Variants in ZBBX observed in about 807,000 individuals in gnomAD.
ZBBX encodes zinc finger B-box domain-containing protein 1.
ZBBX carries 101 observed loss-of-function variants against 108.5 expected under a neutral mutation model. That is an observed-to-expected ratio of 0.93 (90% confidence interval 0.79 to 1.10). The LOEUF (loss-of-function observed/expected upper bound fraction) is 1.10. Ranked by LOEUF, ZBBX falls within the 50% of genes least tolerant of loss-of-function variation. The pLI is 0.00. For missense variants in ZBBX, 1,009 were observed against 941.4 expected, an observed-to-expected ratio of 1.07 and a Z score of -0.94; for synonymous variants, 356 against 323.4, an observed-to-expected ratio of 1.10 and a Z score of -1.08.
At chr3:167,297,873 G>C (rs908071423) in intron 18 of ZBBX, among the ~76,000 whole-genome samples, 1 of 151,444 alleles carries the variant, frequency 6.6e-6, no homozygotes, top group Non-Finnish European at 1.5e-5. Context: ...TTCTCCCCCC[G>C]ACCCCACCAA....
At chr3:167,361,366 A>G (rs1355068257) in intron 6 of ZBBX, among the ~76,000 whole-genome samples, 2 of 152,180 alleles carry the variant, frequency 1.3e-5, no homozygotes, top group Admixed American at 6.6e-5. Flanking sequence ...TTGCCAATTG[A>G]ACATGCTTGC....
chr3:167,352,721 CA>C (rs61596269), intron 8 of ZBBX, among the ~76,000 whole-genome samples: 4,812 of 129,942 alleles, frequency 0.037, 124 homozygotes, highest in African/African-American at 0.071. Flanking sequence ...CAAAAATTCT[CA>C]AAAAAAAAAA....
At chr3:167,217,777 T>C in the ZBBX span, among the ~76,000 whole-genome samples, 1 of 152,188 alleles carries the variant, frequency 6.6e-6, no homozygotes, top group Non-Finnish European at 1.5e-5. Flanking sequence ...GAATATTATG[T>C]AGCCATAAAA....
chr3:167,202,855 G>A, the ZBBX span, among the ~76,000 whole-genome samples: 1 of 152,026 alleles, frequency 6.6e-6, no homozygotes, highest in Non-Finnish European at 1.5e-5. Context: ...CAGACCAACT[G>A]AGGGACCCAT....
In ZBBX at chr3:167,312,823, C is replaced by A. The variant is rs1297876265; in HGVS notation, c.1417+1151G>T. 3.3e-5 allele frequency among the ~76,000 whole-genome samples: 5 copies of A among 152,254 alleles called. No individual in the cohort carries two copies. The East Asian group carries it at 7.7e-4, about 24-fold the overall frequency. ...TAGTATTTGAAAATGTCAAGACCAG[C>A]AGGATTTACACAAATCTACCACTGC... On this transcript the variant is annotated intron_variant, in intron 16 of 21. Coordinates refer to ENST00000675490, the MANE Select transcript of ZBBX (RefSeq NM_001199201.2).
intron 14 of ZBBX, 117 bp from the exon 15 acceptor site, chr3:167,315,946 G>A (rs1441483636): frequency 1.7e-6 from 1 of 580,622 alleles, no homozygotes; most frequent in Non-Finnish European, 3.0e-6. Context: ...TGTTATGAGA[G>A]CTCTAATTAT....
At chr3:167,383,305 T>C (rs1302574109), upstream of ZBBX, among the ~76,000 whole-genome samples, 2 of 152,064 alleles carry the variant, frequency 1.3e-5, no homozygotes, top group Non-Finnish European at 2.9e-5. Flanking sequence ...GTTTTACTTT[T>C]ACATGAAGCA....
the ZBBX span, among the ~76,000 whole-genome samples, chr3:167,225,837 G>A: frequency 6.6e-6 from 1 of 151,804 alleles, no homozygotes; most frequent in Non-Finnish European, 1.5e-5. Context: ...TCATGGAACA[G>A]TGCAGTTTTT....
Position 167,319,988 on chromosome 3 carries a change from G to A in ZBBX, c.983+2129C>T, listed in dbSNP as rs189232137. Among the ~76,000 whole-genome samples the A allele has an allele frequency of 3.0e-3, 458 of 151,746 alleles. 3 individuals are homozygous for A. The highest frequency in any genetic ancestry group is 3.4e-3 in the Non-Finnish European group (232 of 67,832). On this transcript the variant is annotated intron_variant, in intron 12 of 21. Coordinates refer to ENST00000675490, the MANE Select transcript of ZBBX (RefSeq NM_001199201.2). Reference sequence around the variant, plus strand: ...GATAGATACAGAAAAAAATTTATATGTGTGTATGTGGATTTGTGTGTGTGT... The same window carrying A: ...GATAGATACAGAAAAAAATTTATATATGTGTATGTGGATTTGTGTGTGTGT...
the ZBBX span, among the ~76,000 whole-genome samples, chr3:167,204,456 T>C: frequency 6.9e-6 from 1 of 145,606 alleles, no homozygotes; most frequent in African/African-American, 2.5e-5. Context: ...GTGATCTCAT[T>C]GTTCAATTCC....
At chr3:167,347,244 G>T (rs1741629788) in intron 9 of ZBBX, among the ~76,000 whole-genome samples, 1 of 151,868 alleles carries the variant, frequency 6.6e-6, no homozygotes, top group Non-Finnish European at 1.5e-5. Flanking sequence ...ATACAAACAT[G>T]TACATGATGT....
intron 20 of ZBBX, among the ~76,000 whole-genome samples, chr3:167,255,919 AC>A (rs990675379): frequency 6.6e-6 from 1 of 151,874 alleles, no homozygotes; most frequent in African/African-American, 2.4e-5. Flanking sequence ...TATTTTCAGT[AC>A]CCATTAACCA....
At chr3:167,252,559 T>A (rs1722795814) in intron 20 of ZBBX, among the ~76,000 whole-genome samples, 1 of 148,344 alleles carries the variant, frequency 6.7e-6, no homozygotes, top group African/African-American at 2.5e-5. Flanking sequence ...TCATGAACAG[T>A]GCACTCATAC....
intron 1 of ZBBX, among the ~76,000 whole-genome samples, chr3:167,398,092 G>T (rs1265602825): frequency 1.3e-5 from 2 of 151,818 alleles, no homozygotes; most frequent in African/African-American, 4.8e-5. Flanking sequence ...AAAAATGAAC[G>T]AGCTTCAATT....
intron 20 of ZBBX, among the ~76,000 whole-genome samples, chr3:167,278,220 G>A (rs1382178894): frequency 7.1e-5 from 10 of 141,142 alleles, no homozygotes; most frequent in South Asian, 2.4e-4. Flanking sequence ...ACATTCAAAA[G>A]CTAGCAGAAG....
chr3:167,272,828 A>C (rs1271504948), intron 20 of ZBBX, among the ~76,000 whole-genome samples: 2 of 152,162 alleles, frequency 1.3e-5, no homozygotes, highest in African/African-American at 4.8e-5. Context: ...AGCTGGAATG[A>C]TGTCCTGTGG....
intron 8 of ZBBX, among the ~76,000 whole-genome samples, chr3:167,358,078 T>A (rs1378150357): frequency 1.3e-5 from 2 of 151,698 alleles, no homozygotes; most frequent in African/African-American, 4.8e-5. Flanking sequence ...AATGACGAGT[T>A]AATGGGTGCA....
At chr3:167,290,375 C>T (rs1320998056) in intron 18 of ZBBX, among the ~76,000 whole-genome samples, 2 of 152,200 alleles carry the variant, frequency 1.3e-5, no homozygotes, top group Admixed American at 1.3e-4. Flanking sequence ...GCAATCTTTG[C>T]TGTTCTGCAG....
chr3:167,286,038 C>G (rs909368308), intron 19 of ZBBX, among the ~76,000 whole-genome samples: 2 of 152,094 alleles, frequency 1.3e-5, no homozygotes, highest in Admixed American at 6.6e-5. Context: ...GATAGAGGAA[C>G]TCAAGAGACC....
Sources: allele counts gnomAD v4.1 joint callset (sites outside exome capture counted in the v4.1 genomes callset), GRCh38; gene constraint gnomAD v4.1.1; transcripts MANE v1.5; gene names NCBI Gene and HGNC (gene_info 2026-07-23, HGNC 2026-07-21).